Variants in OTUD7A observed in about 807,000 individuals in gnomAD.
OTUD7A encodes OTU deubiquitinase 7A.
A neutral mutation model predicts 65.7 loss-of-function variants in OTUD7A; 12 were observed. The ratio of observed to expected loss-of-function variants is 0.18; its 90% CI spans 0.12 to 0.30. The LOEUF is 0.30. Ranked by LOEUF, OTUD7A falls within the 10% of genes least tolerant of loss-of-function variation. The pLI, the probability that OTUD7A is intolerant of heterozygous loss-of-function variation, is 1.00. For missense variants in OTUD7A, 1,148 were observed against 1,304.8 expected (o/e 0.88, Z 1.85); for synonymous variants, 641 against 586.3 (o/e 1.09, Z -1.35).
chr15:31,669,572 CT>C (rs917506101), intron 1 of OTUD7A, among the ~76,000 whole-genome samples: 3 of 152,208 alleles, frequency 2.0e-5, no homozygotes, highest in African/African-American at 7.2e-5. Context: ...AGGTTACCTG[CT>C]TCCCAGCTAG....
chr15:31,549,903 G>A (rs1207721132), intron 5 of OTUD7A, among the ~76,000 whole-genome samples: 1 of 151,992 alleles, frequency 6.6e-6, no homozygotes, highest in Non-Finnish European at 1.5e-5. Flanking sequence ...AAGCATTACT[G>A]TAGGCAACAT....
intron 1 of OTUD7A, among the ~76,000 whole-genome samples, chr15:31,700,630 A>T (rs1275690683): frequency 6.6e-6 from 1 of 151,994 alleles, no homozygotes; most frequent in Non-Finnish European, 1.5e-5. Context: ...CATGATATTC[A>T]TAGAGAATGG....
At chr15:31,862,592 C>T (rs574911531) in intron 1 of OTUD7A, among the ~76,000 whole-genome samples, 3 of 152,268 alleles carry the variant, frequency 2.0e-5, no homozygotes, top group African/African-American at 7.2e-5. Context: ...ATAAACCCAT[C>T]AGATCTTGTG....
At position 31,484,766 on chromosome 15, in the gene OTUD7A, G is replaced by A. The variant is rs747029810; in HGVS notation, c.1372-42C>T. On this transcript the variant is annotated intron_variant, in intron 12 of 12. Coordinates refer to ENST00000307050, the MANE Select transcript of OTUD7A (RefSeq NM_001382637.1). The surrounding 1 kb of genome is among the most constrained non-coding windows in gnomAD (Gnocchi z 4.5). Reference sequence around the variant, plus strand: ...GGCCGGATCGAAGGTGGTTAGAGAAGAGCTGTCCACGCGCCAGCGAGGAAG... The same window carrying A: ...GGCCGGATCGAAGGTGGTTAGAGAAAAGCTGTCCACGCGCCAGCGAGGAAG... The A allele has an allele frequency of 2.5e-6, 4 of 1,578,650 alleles. No homozygotes were observed. The South Asian group carries it at 3.4e-5, about 13-fold the overall frequency.
intron 10 of OTUD7A, among the ~76,000 whole-genome samples, chr15:31,489,348 A>G (rs1053096604): frequency 6.6e-6 from 1 of 152,224 alleles, no homozygotes; most frequent in African/African-American, 2.4e-5. Context: ...AAATTCAGGA[A>G]ATATTGTTCT....
intron 1 of OTUD7A, among the ~76,000 whole-genome samples, chr15:31,813,267 G>A (rs573715833): frequency 8.4e-6 from 1 of 119,478 alleles, no homozygotes; most frequent in African/African-American, 2.8e-5. Flanking sequence ...CCATGGATCA[G>A]GCACAGAGTG....
intron 1 of OTUD7A, among the ~76,000 whole-genome samples, chr15:31,847,618 G>A (rs1443151189): frequency 6.6e-6 from 1 of 152,184 alleles, no homozygotes; most frequent in African/African-American, 2.4e-5. Context: ...GAAGAGCTCT[G>A]ATAATGTCGT....
intron 1 of OTUD7A, among the ~76,000 whole-genome samples, chr15:31,842,874 G>C (rs982548353): frequency 4.3e-4 from 65 of 152,164 alleles, no homozygotes; most frequent in Admixed American, 3.4e-3. Flanking sequence ...TTTGCTACCT[G>C]CTCCAAAAAC....
intron 3 of OTUD7A, among the ~76,000 whole-genome samples, chr15:31,642,337 C>A (rs1891541341): frequency 6.6e-6 from 1 of 152,156 alleles, no homozygotes; most frequent in South Asian, 2.1e-4. Flanking sequence ...TCAGTGTTTT[C>A]ACACTTTTCT....
At position 31,487,085 on chromosome 15, in the gene OTUD7A, A is replaced by C; in HGVS notation, c.1371+109T>G. 2.8e-6 allele frequency: 3 copies of C among 1,085,066 alleles called. No individual in the cohort carries two copies. The highest frequency in any genetic ancestry group is 2.6e-5 in the East Asian group (1 of 38,126). The allele number at this position is 1,085,066 out of a possible 1,614,324, so 67.2% of individuals were successfully genotyped here. A position where few individuals can be genotyped will look rare whatever the true frequency, so the allele number is the denominator to read the frequency against. On this transcript the variant is annotated intron_variant, in intron 12 of 12. Transcript: ENST00000307050. The surrounding 1 kb of genome is among the most constrained non-coding windows in gnomAD (Gnocchi z 6.0). Reference sequence around the variant, plus strand: ...GTATGGCTGGGGTGGGCGGCCGGGCAGGGGCAGGCAAGAGTGTGGGAGCAT... The same window carrying C: ...GTATGGCTGGGGTGGGCGGCCGGGCCGGGGCAGGCAAGAGTGTGGGAGCAT...
In OTUD7A at chr15:31,477,642, T is replaced by C. The variant is rs1346635900; in HGVS notation, c.*5652A>G. The C allele has an allele frequency of 6.6e-6, 1 of 152,224 alleles. No homozygotes were observed. Among genetic ancestry groups the C allele is most frequent in the Non-Finnish European group, 1.5e-5 (1 of 68,040 alleles). The allele number at this position is 152,224 out of a possible 1,614,324, so 9.4% of individuals were successfully genotyped here. A position where few individuals can be genotyped will look rare whatever the true frequency, so the allele number is the denominator to read the frequency against. On this transcript the variant is annotated 3_prime_UTR_variant, in exon 13 of 13. Coordinates refer to ENST00000307050, the MANE Select transcript of OTUD7A (RefSeq NM_001382637.1). ...AAATTGACATTTTCTGGCCTCTTAATAGTTTTCAATTTACTGATTTAATTT... is the reference window on the plus strand; with the variant it reads ...AAATTGACATTTTCTGGCCTCTTAACAGTTTTCAATTTACTGATTTAATTT...
intron 3 of OTUD7A, among the ~76,000 whole-genome samples, chr15:31,642,344 T>C (rs1164900270): frequency 2.6e-5 from 4 of 152,248 alleles, no homozygotes; most frequent in Non-Finnish European, 2.9e-5. Flanking sequence ...TTTCACACTT[T>C]TCTTCATGAG....
intron 8 of OTUD7A, among the ~76,000 whole-genome samples, chr15:31,521,476 G>A (rs2041937331): frequency 6.6e-6 from 1 of 152,012 alleles, no homozygotes; most frequent in Non-Finnish European, 1.5e-5. Context: ...TGCTCTTTCT[G>A]CTTGGTCTGC....
chr15:31,609,932 C>T (rs1168601169), intron 3 of OTUD7A, among the ~76,000 whole-genome samples: 3 of 152,144 alleles, frequency 2.0e-5, no homozygotes, highest in East Asian at 3.8e-4. Context: ...AGCCCAGAGC[C>T]GGGCAGACTT....
At chr15:31,608,228 T>C (rs1452654070) in intron 3 of OTUD7A, among the ~76,000 whole-genome samples, 1 of 151,976 alleles carries the variant, frequency 6.6e-6, no homozygotes, top group Non-Finnish European at 1.5e-5. Context: ...GCCTGGAGAC[T>C]GAGACTCCAT....
intron 1 of OTUD7A, among the ~76,000 whole-genome samples, chr15:31,811,186 T>C (rs1361192482): frequency 6.6e-6 from 1 of 151,894 alleles, no homozygotes; most frequent in Non-Finnish European, 1.5e-5. Flanking sequence ...TAATAATACT[T>C]CTAGCTAGGG....
In OTUD7A at chr15:31,808,534, C is replaced by T. The variant is rs376499958; in HGVS notation, c.-100+61973G>A. ...CCTCCTTTTGGGTCAGCCCTGGCCT[C>T]GGGGTCACTCTCCACATTTACCTAG... On this transcript the variant is annotated intron_variant, in intron 1 of 12. Coordinates refer to ENST00000307050, the MANE Select transcript of OTUD7A (RefSeq NM_001382637.1). 4.6e-5 allele frequency among the ~76,000 whole-genome samples: 7 copies of T among 152,174 alleles called. No individual in the cohort carries two copies. In the East Asian group the frequency reaches 9.6e-4, roughly 21 times the overall value.
rs191224769 is a variant in OTUD7A at position 31,646,297 on chromosome 15, G to A, written c.151+8799C>T. ...AAGCAAAGTGAAAGGACACAAAGTG[G>A]TGGGGGGCACGGGGGAATGGGGAGG... On this transcript the variant is annotated intron_variant, in intron 3 of 12. Transcript: ENST00000307050. 4.5e-4 allele frequency among the ~76,000 whole-genome samples: 69 copies of A among 152,244 alleles called. 1 individual carries two copies. The East Asian group carries it at 0.013, about 28-fold the overall frequency.
chr15:31,649,096 C>G (rs1159397148), intron 3 of OTUD7A, among the ~76,000 whole-genome samples: 2 of 152,216 alleles, frequency 1.3e-5, no homozygotes, highest in African/African-American at 4.8e-5. Flanking sequence ...CTATATGGCA[C>G]TGGGGGATTC....
Sources: allele counts gnomAD v4.1 joint callset (sites outside exome capture counted in the v4.1 genomes callset), GRCh38; gene constraint gnomAD v4.1.1; non-coding constraint Gnocchi (gnomAD v3.1); transcripts MANE v1.5; gene names NCBI Gene and HGNC (gene_info 2026-07-23, HGNC 2026-07-21).